The following CLIC4 variants were observed in gnomAD, a reference collection of about 807,000 sequenced individuals.
CLIC4 encodes the protein chloride intracellular channel protein 4.
A neutral mutation model predicts 24.6 loss-of-function variants in CLIC4; 13 were observed. The observed-to-expected ratio is 0.53, with a 90% confidence interval of 0.34 to 0.84. The LOEUF (loss-of-function observed/expected upper bound fraction) is 0.84. Among genes scored for constraint, CLIC4 ranks in the 40% least tolerant of loss-of-function variants. The pLI is 0.01. For missense variants in CLIC4, 227 were observed against 301.7 expected (o/e 0.75, Z 1.83); for synonymous variants, 104 against 111.3 (o/e 0.93, Z 0.41).
rs1639947042 is a variant in CLIC4, at chr1:24,841,851, A to C, written c.*914A>C. 6.6e-6 allele frequency: 1 copy of C among 152,614 alleles called. No homozygotes were observed. The highest frequency in any genetic ancestry group is 2.4e-5 in the African/African-American group (1 of 41,442). 9.5% of individuals were successfully genotyped at this position (152,614 alleles called of 1,614,324 possible). On this transcript the variant is annotated 3_prime_UTR_variant, in exon 6 of 6. Coordinates refer to ENST00000374379, the MANE Select transcript of CLIC4 (RefSeq NM_013943.3). ...ACACTACATAACTGATTTTTAGTTG[A>C]CTTAGCTATAGCAGTACAATGATTA...
At chr1:24,811,967 A>G (rs1222491313) in intron 2 of CLIC4, among the ~76,000 whole-genome samples, 2 of 152,250 alleles carry the variant, frequency 1.3e-5, no homozygotes, top group Non-Finnish European at 2.9e-5. Context: ...AGTTGTCAGC[A>G]TAACAGTTTC....
intron 1 of CLIC4, among the ~76,000 whole-genome samples, chr1:24,746,615 A>G (rs914833319): frequency 2.0e-5 from 3 of 152,200 alleles, no homozygotes; most frequent in Non-Finnish European, 2.9e-5. Flanking sequence ...ATTCAGAGCT[A>G]GGCAACATAC....
At chr1:24,773,545 A>G (rs1232613714) in intron 1 of CLIC4, among the ~76,000 whole-genome samples, 2 of 142,252 alleles carry the variant, frequency 1.4e-5, no homozygotes, top group Non-Finnish European at 1.5e-5. Context: ...GTTAGCAGAT[A>G]TTTTTTAAAA....
intron 1 of CLIC4, among the ~76,000 whole-genome samples, chr1:24,788,474 G>T (rs987120423): frequency 3.9e-5 from 6 of 152,114 alleles, no homozygotes; most frequent in Non-Finnish European, 7.4e-5. Context: ...ATCCACGGGG[G>T]ATTGGTTCCA....
intron 1 of CLIC4, among the ~76,000 whole-genome samples, chr1:24,789,217 A>T (rs1639305666): frequency 6.6e-6 from 1 of 152,182 alleles, no homozygotes; most frequent in South Asian, 2.1e-4. Flanking sequence ...TAGATGGATG[A>T]TCTCAAAATA....
intron 1 of CLIC4, among the ~76,000 whole-genome samples, chr1:24,749,650 A>G (rs2124075189): frequency 6.6e-6 from 1 of 152,272 alleles, no homozygotes; most frequent in Middle Eastern, 3.4e-3. Context: ...GATAGATAGG[A>G]TGCCCTCTCA....
chr1:24,831,935 G>A (rs1013369812), intron 4 of CLIC4, among the ~76,000 whole-genome samples: 7 of 152,124 alleles, frequency 4.6e-5, no homozygotes, highest in Non-Finnish European at 7.4e-5. Flanking sequence ...CACCATGCCC[G>A]GCCATGCATT....
chr1:24,843,398 A>T lies in CLIC4; in HGVS notation c.*2461A>T, dbSNP rs1272714745. 6.6e-6 allele frequency: 1 copy of T among 152,212 alleles called. No individual in the cohort carries two copies. The highest frequency in any genetic ancestry group is 1.9e-4 in the East Asian group (1 of 5,202). The allele number at this position is 152,212 out of a possible 1,614,324, so 9.4% of individuals were successfully genotyped here. ...TATATGAATTGCCATAATGGAAATAATCTGATTTTATTTTTACAACTAACA... is the reference window on the plus strand; with the variant it reads ...TATATGAATTGCCATAATGGAAATATTCTGATTTTATTTTTACAACTAACA... On this transcript the variant is annotated 3_prime_UTR_variant, in exon 6 of 6. Transcript: ENST00000374379.
chr1:24,772,587 G>A lies in CLIC4; in HGVS notation c.73-25155G>A, dbSNP rs561503735. Among the ~76,000 whole-genome samples the A allele has an allele frequency of 3.3e-5, 5 of 152,270 alleles. No individual in the cohort carries two copies. The South Asian group carries it at 1.0e-3, about 32-fold the overall frequency. ...TGCAGTCTCCGCCTCCCAGATTCAA[G>A]CGATTCTCCTGCCTCAGCCTCCTGA... On this transcript the variant is annotated intron_variant, in intron 1 of 5. Transcript: ENST00000374379.
At chr1:24,828,102 A>G (rs1489473812) in intron 4 of CLIC4, among the ~76,000 whole-genome samples, 2 of 152,236 alleles carry the variant, frequency 1.3e-5, no homozygotes, top group Non-Finnish European at 2.9e-5. Flanking sequence ...ACAAGAATGA[A>G]TATCTTTTTA....
At chr1:24,815,012 TGGTTCCAGACCATTGCGAGTTA>T (rs1339303662) in intron 3 of CLIC4, among the ~76,000 whole-genome samples, 1 of 152,184 alleles carries the variant, frequency 6.6e-6, no homozygotes, top group Non-Finnish European at 1.5e-5. Context: ...CTGAAGGGTA[TGGTTCCAGACCATTGCGAGTTA>T]GGTTCCAGAC....
intron 1 of CLIC4, among the ~76,000 whole-genome samples, chr1:24,782,156 G>A (rs1040307677): frequency 6.6e-6 from 1 of 152,138 alleles, no homozygotes; most frequent in African/African-American, 2.4e-5. Context: ...TAAAGCAAGA[G>A]AACATCAAAT....
chr1:24,748,251 T>C (rs1310002145), intron 1 of CLIC4, among the ~76,000 whole-genome samples: 2 of 152,092 alleles, frequency 1.3e-5, no homozygotes, highest in Non-Finnish European at 2.9e-5. Flanking sequence ...CCTTTCTGTT[T>C]TTCATATTTG....
chr1:24,784,657 G>GC (rs1639243022), intron 1 of CLIC4, among the ~76,000 whole-genome samples: 1 of 152,182 alleles, frequency 6.6e-6, no homozygotes, highest in Non-Finnish European at 1.5e-5. Context: ...TGGTGATGCT[G>GC]AGTAAGGAAA....
At chr1:24,838,894 A>G (rs1639911796) in intron 4 of CLIC4, among the ~76,000 whole-genome samples, 2 of 152,082 alleles carry the variant, frequency 1.3e-5, no homozygotes, top group South Asian at 4.1e-4. Context: ...CTTCTGAATC[A>G]TGACAATCAG....
At chr1:24,798,690 C>G (rs1319620559) in intron 2 of CLIC4, among the ~76,000 whole-genome samples, 1 of 152,088 alleles carries the variant, frequency 6.6e-6, no homozygotes, top group Non-Finnish European at 1.5e-5. Context: ...TTTCCACGGT[C>G]TCCCTCTCAT....
At chr1:24,831,166 A>G (rs1247137540) in intron 4 of CLIC4, among the ~76,000 whole-genome samples, 3 of 152,224 alleles carry the variant, frequency 2.0e-5, no homozygotes, top group Non-Finnish European at 4.4e-5. Flanking sequence ...GTGCTTTGCT[A>G]AGTACAAAAT....
rs372688337 is a variant in CLIC4, at chr1:24,808,828, C to T, written c.183-5266C>T. 6.6e-5 allele frequency among the ~76,000 whole-genome samples: 10 copies of T among 152,076 alleles called. No homozygotes were observed. The East Asian group carries it at 1.9e-3, about 29-fold the overall frequency. ...AGTAGCTAGGACTACAGGCACCCAC[C>T]ACCACGCCTGACTAATTTTTTTTAT... is the stretch of plus-strand genomic sequence containing the variant. On this transcript the variant is annotated intron_variant, in intron 2 of 5. Transcript: ENST00000374379.
chr1:24,788,554 C>T (rs975921628), intron 1 of CLIC4, among the ~76,000 whole-genome samples: 2 of 152,130 alleles, frequency 1.3e-5, no homozygotes, highest in African/African-American at 2.4e-5. Flanking sequence ...TCTGTGGATA[C>T]GGAAGGCCAG....
Sources: gnomAD v4.1 joint callset for allele counts (sites outside exome capture counted in the v4.1 genomes callset) on GRCh38, gnomAD v4.1.1 for gene constraint, MANE v1.5 for transcripts, NCBI Gene and HGNC (gene_info 2026-07-23, HGNC 2026-07-21) for gene names.